HTR2C: variants seen among roughly 807,000 people sequenced by gnomAD.
HTR2C encodes 5-hydroxytryptamine receptor 2C, also known as 5-hydroxytryptamine (serotonin) receptor 2C, G protein-coupled.
A neutral mutation model predicts 21.0 loss-of-function variants in HTR2C; 5 were observed. The observed-to-expected ratio is 0.24, with a 90% CI of 0.12 to 0.50. The LOEUF (loss-of-function observed/expected upper bound fraction) is 0.50. Among genes scored for constraint, HTR2C ranks in the 20% least tolerant of loss-of-function variants. The pLI, the probability that HTR2C is intolerant of heterozygous loss-of-function variation, is 0.98. For missense variants in HTR2C, 271 were observed against 371.2 expected, an observed-to-expected ratio of 0.73 and a Z score of 2.22; for synonymous variants, 150 against 145.3, an observed-to-expected ratio of 1.03 and a Z score of -0.23.
intron 2 of HTR2C, among the ~76,000 whole-genome samples, chrX:114,657,396 T>A (rs1416102054): frequency 1.8e-5 from 2 of 111,178 alleles, no homozygotes; most frequent in East Asian, 5.6e-4. Context: ...TTCTATTTGG[T>A]TGCATACATG....
At chrX:114,714,765 T>C (rs1167417113) in intron 2 of HTR2C, among the ~76,000 whole-genome samples, 1 of 111,538 alleles carries the variant, frequency 9.0e-6, no homozygotes, top group Non-Finnish European at 1.9e-5. Context: ...AGGTCCTCTA[T>C]TGCAACTTCT....
chrX:114,680,980 C>A (rs146408614), intron 2 of HTR2C, among the ~76,000 whole-genome samples: 2,110 of 111,477 alleles, frequency 0.019, 15 homozygotes, highest in Non-Finnish European at 0.028. Context: ...GGATAAAATA[C>A]TGCCATGCAG....
At chrX:114,894,824 G>A (rs782190371) in intron 5 of HTR2C, among the ~76,000 whole-genome samples, 36 of 110,291 alleles carry the variant, frequency 3.3e-4, no homozygotes, top group African/African-American at 1.1e-3. Flanking sequence ...GGGTTCAAGC[G>A]ATTCTCATGC....
chrX:114,740,279 A>G (rs1025065967), intron 4 of HTR2C, among the ~76,000 whole-genome samples: 6 of 109,938 alleles, frequency 5.5e-5, no homozygotes, highest in African/African-American at 2.0e-4. Flanking sequence ...CCATTTTTTA[A>G]CCTATCAGAT....
chrX:114,731,259 T>C, intron 3 of HTR2C, 35 bp from the exon 4 acceptor site: 3 of 1,019,980 alleles, frequency 2.9e-6, no homozygotes, highest in South Asian at 2.1e-5. Flanking sequence ...TAATATAATA[T>C]GTACCTGATT....
intron 2 of HTR2C, among the ~76,000 whole-genome samples, chrX:114,658,784 A>C (rs1414174266): frequency 7.2e-5 from 8 of 111,772 alleles, no homozygotes; most frequent in African/African-American, 2.3e-4. Context: ...AATCATCATC[A>C]GGCAAACACA....
chrX:114,601,794 G>T (rs191391004), intron 1 of HTR2C, among the ~76,000 whole-genome samples: 10 of 103,149 alleles, frequency 9.7e-5, no homozygotes, highest in East Asian at 3.2e-4. Flanking sequence ...CGAAAATTTT[G>T]GGGGGGTGGT....
At chrX:114,876,294 G>T (rs1223652061) in intron 5 of HTR2C, among the ~76,000 whole-genome samples, 3 of 109,638 alleles carry the variant, frequency 2.7e-5, no homozygotes, top group Non-Finnish European at 3.8e-5. Flanking sequence ...AATTTTAATA[G>T]CTTTACAGTA....
intron 4 of HTR2C, among the ~76,000 whole-genome samples, chrX:114,796,848 C>T (rs967599449): frequency 2.7e-5 from 3 of 111,256 alleles, no homozygotes; most frequent in African/African-American, 9.8e-5. Context: ...GGATAGAATG[C>T]CCCCGTCACC....
At chrX:114,700,678 A>T (rs1364600874) in intron 2 of HTR2C, among the ~76,000 whole-genome samples, 1 of 112,449 alleles carries the variant, frequency 8.9e-6, no homozygotes, top group African/African-American at 3.2e-5. Flanking sequence ...TATCAGGTTA[A>T]TCTCACTAGG....
intron 2 of HTR2C, 36 bp downstream of exon 2, chrX:114,613,917 T>C (rs1444695600): frequency 8.9e-6 from 1 of 112,084 alleles, no homozygotes; most frequent in Non-Finnish European, 1.9e-5. Context: ...AAGACTCTTA[T>C]TTTGAAATAA....
intron 4 of HTR2C, among the ~76,000 whole-genome samples, chrX:114,822,102 C>T (rs111589836): frequency 0.019 from 2,107 of 110,639 alleles, 51 homozygotes; most frequent in African/African-American, 0.065. Flanking sequence ...CCACTTTGGC[C>T]TCCTAAAGTG....
intron 5 of HTR2C, among the ~76,000 whole-genome samples, chrX:114,858,075 G>C (rs1342544335): frequency 1.8e-5 from 2 of 110,631 alleles, no homozygotes; most frequent in Non-Finnish European, 3.8e-5. Flanking sequence ...TTCTGTCCTT[G>C]TACTAGTATT....
At chrX:114,676,014 C>T (rs1556412542) in intron 2 of HTR2C, among the ~76,000 whole-genome samples, 1 of 109,101 alleles carries the variant, frequency 9.2e-6, no homozygotes, top group Non-Finnish European at 1.9e-5. Flanking sequence ...GGATTATAGG[C>T]GCCTGCCACC....
chrX:114,602,997 A>G (rs781948136), intron 1 of HTR2C, among the ~76,000 whole-genome samples: 1,407 of 107,854 alleles, frequency 0.013, no homozygotes, highest in African/African-American at 0.046. Context: ...CTATAGCATA[A>G]CCTGCCTTTG....
intron 2 of HTR2C, among the ~76,000 whole-genome samples, chrX:114,621,988 C>G (rs1929184362): frequency 9.0e-6 from 1 of 111,627 alleles, no homozygotes; most frequent in Admixed American, 9.6e-5. Flanking sequence ...CTGAGGAAAC[C>G]AGGAAAAACT....
intron 1 of HTR2C, among the ~76,000 whole-genome samples, chrX:114,590,875 T>C (rs1927599586): frequency 8.9e-6 from 1 of 111,991 alleles, no homozygotes; most frequent in African/African-American, 3.2e-5. Context: ...CTCTTTTTAT[T>C]AGCAAACTGA....
At chrX:114,834,270 C>T (rs1486953543) in intron 4 of HTR2C, among the ~76,000 whole-genome samples, 1 of 108,681 alleles carries the variant, frequency 9.2e-6, no homozygotes, top group Non-Finnish European at 1.9e-5. Context: ...GACTTTCTGT[C>T]TCGTTGATCT....
intron 2 of HTR2C, among the ~76,000 whole-genome samples, chrX:114,655,039 GAA>G (rs371025252): frequency 1.2e-5 from 1 of 81,047 alleles, no homozygotes. Flanking sequence ...GGGTAGAAAA[GAA>G]AAAAAAAAAA....
Sources: allele counts gnomAD v4.1 joint callset (sites outside exome capture counted in the v4.1 genomes callset), GRCh38; gene constraint gnomAD v4.1.1; transcripts MANE v1.5; gene names NCBI Gene and HGNC (gene_info 2026-07-23, HGNC 2026-07-21).